Variants in DIXDC1 observed in about 807,000 individuals in gnomAD.
The protein encoded by DIXDC1 is dixin.
In DIXDC1, 64 loss-of-function variants were observed where a neutral mutation model predicts 103.1. That is an observed-to-expected ratio of 0.62 (90% CI 0.51 to 0.76). DIXDC1 has a LOEUF of 0.76. DIXDC1 is among the 30% of genes least tolerant of loss of function. DIXDC1 has a pLI of 0.00. For synonymous variants in DIXDC1, 266 were observed against 298.5 expected (o/e 0.89, Z 1.12); for missense variants, 759 against 834.2 (o/e 0.91, Z 1.11).
At chr11:111,930,341 G>A (rs587653550) in intron 2 of DIXDC1, among the ~76,000 whole-genome samples, 170 of 151,996 alleles carry the variant, frequency 1.1e-3, no homozygotes, top group African/African-American at 3.9e-3. Context: ...TATATAGTGA[G>A]CAATCTCAGC....
chr11:111,967,035 C>T (rs903033041), intron 2 of DIXDC1, among the ~76,000 whole-genome samples: 2 of 152,020 alleles, frequency 1.3e-5, no homozygotes, highest in Non-Finnish European at 2.9e-5. Flanking sequence ...TTCTAGTTTT[C>T]TTCCTTCCTC....
rs1404059797 is a variant in DIXDC1, at chr11:112,021,952, C to T, written c.*2916C>T. On this transcript the variant is annotated 3_prime_UTR_variant, in exon 20 of 20. Coordinates refer to ENST00000440460, the MANE Select transcript of DIXDC1 (RefSeq NM_001037954.4). ...GCTGATCATGCCACTGCACTCTAGC[C>T]TAGGCTACAGAGCAGGACCCCATCT... 1 of 144,828 alleles carries T rather than the reference C, an allele frequency of 6.9e-6. No individual in the cohort carries two copies. Among genetic ancestry groups the T allele is most frequent in the Non-Finnish European group, 1.5e-5 (1 of 67,258 alleles). The allele number at this position is 144,828 out of a possible 1,614,324, so 9.0% of individuals were successfully genotyped here.
chr11:112,003,307 A>G (rs1431167950), intron 17 of DIXDC1, among the ~76,000 whole-genome samples: 1 of 151,894 alleles, frequency 6.6e-6, no homozygotes, highest in Admixed American at 6.6e-5. Flanking sequence ...AAATACAAAA[A>G]TTAGCGGGCG....
intron 6 of DIXDC1, among the ~76,000 whole-genome samples, chr11:111,981,812 AAGT>A (rs1555173260): frequency 1.3e-5 from 2 of 152,228 alleles, no homozygotes; most frequent in African/African-American, 4.8e-5. Context: ...AGGAAAATAA[AAGT>A]GATATTAAAC....
chr11:112,019,259 C>A lies in DIXDC1; in HGVS notation c.*223C>A. The stretch of plus-strand genomic sequence containing the variant: ...TAGACCATGGGTTCATCTGGAGTTC[C>A]TTGTCCGTGGGAACACAGTGTTCTA... On this transcript the variant is annotated 3_prime_UTR_variant, in exon 20 of 20. Coordinates refer to ENST00000440460, the MANE Select transcript of DIXDC1 (RefSeq NM_001037954.4). The A allele has an allele frequency of 2.4e-6, 1 of 410,158 alleles. No individual in the cohort carries two copies. The highest frequency in any genetic ancestry group is 4.1e-5 in the South Asian group (1 of 24,124). 25.4% of individuals were successfully genotyped at this position (410,158 alleles called of 1,614,324 possible). A position where few individuals can be genotyped will look rare whatever the true frequency, so the allele number is the denominator to read the frequency against.
At chr11:111,960,966 G>T (rs60052476) in intron 1 of DIXDC1, among the ~76,000 whole-genome samples, 1 of 152,136 alleles carries the variant, frequency 6.6e-6, no homozygotes, top group Non-Finnish European at 1.5e-5. Flanking sequence ...TTAGGATGAC[G>T]TCTGCTTATG....
intron 5 of DIXDC1, 82 bp from the exon 6 acceptor site, chr11:111,980,655 G>T: frequency 3.5e-6 from 4 of 1,146,396 alleles, no homozygotes; most frequent in Non-Finnish European, 2.5e-6. Flanking sequence ...ACATGTCCCT[G>T]TTCTCAGGAA....
intron 1 of DIXDC1, among the ~76,000 whole-genome samples, chr11:111,963,646 T>G (rs1400897797): frequency 2.6e-5 from 4 of 152,206 alleles, no homozygotes; most frequent in Non-Finnish European, 5.9e-5. Context: ...TGACATTGTT[T>G]GTGTGATATT....
At position 112,018,982 on chromosome 11, in the gene DIXDC1, T is replaced by C. The variant is rs782370526; in HGVS notation, c.1998T>C (p.Pro666=). The C allele has an allele frequency of 5.0e-6, 8 of 1,612,872 alleles. No individual in the cohort carries two copies. The East Asian group carries it at 8.9e-5, about 18-fold the overall frequency. Residue 666 remains proline, a synonymous_variant, in exon 20 of 20, where the codon CCT becomes CCC. Transcript: ENST00000440460. ...EEIFHDDDAI[P]GWEGKIVAWV... is the part of the protein sequence containing the mutation. ...TTTTCCATGATGATGATGCCATCCC[T>C]GGATGGGAAGGGAAAATTGTAGCTT... is the stretch of plus-strand genomic sequence containing the variant.
chr11:111,982,818 C>A (rs1461187566), intron 7 of DIXDC1, among the ~76,000 whole-genome samples: 2 of 152,154 alleles, frequency 1.3e-5, no homozygotes, highest in African/African-American at 4.8e-5. Flanking sequence ...GCAGCTTTCA[C>A]CAAAGAATGG....
chr11:112,001,539 C>G (rs797026327), intron 17 of DIXDC1, among the ~76,000 whole-genome samples: 23 of 152,148 alleles, frequency 1.5e-4, no homozygotes, highest in African/African-American at 5.3e-4. Flanking sequence ...CCAGAAAGAG[C>G]CTTGCTTCTA....
upstream of DIXDC1, among the ~76,000 whole-genome samples, chr11:111,934,184 A>G (rs1370876350): frequency 6.6e-6 from 1 of 152,200 alleles, no homozygotes; most frequent in African/African-American, 2.4e-5. Context: ...CTTTATATGT[A>G]AAAATCCTAC....
chr11:112,004,521 A>G (rs1861174481), intron 17 of DIXDC1, among the ~76,000 whole-genome samples: 1 of 152,130 alleles, frequency 6.6e-6, no homozygotes, highest in East Asian at 1.9e-4. Flanking sequence ...CCACTGGGGG[A>G]GGGACAGGAT....
At chr11:111,928,949 AG>A (rs1358923743) in intron 1 of DIXDC1, among the ~76,000 whole-genome samples, 3 of 151,986 alleles carry the variant, frequency 2.0e-5, no homozygotes, top group African/African-American at 7.2e-5. Flanking sequence ...CCTAGCACTT[AG>A]GAGGCCACCC....
At position 112,017,961 on chromosome 11, in the gene DIXDC1, T is replaced by A. The variant is rs189475903; in HGVS notation, c.1971+76T>A. 17 of 1,182,424 alleles carry A rather than the reference T, an allele frequency of 1.4e-5. No homozygotes were observed. In the East Asian group the frequency reaches 4.3e-4, roughly 30 times the overall value. 73.2% of individuals were successfully genotyped at this position (1,182,424 alleles called of 1,614,324 possible). On this transcript the variant is annotated intron_variant, in intron 19 of 19. Coordinates refer to ENST00000440460, the MANE Select transcript of DIXDC1 (RefSeq NM_001037954.4). The surrounding 1 kb of genome is among the most constrained non-coding windows in gnomAD (Gnocchi z 4.0). ...CTGAAGCCTCCTGTTCAAGCACTAG[T>A]GTCCAGAAGTACATGAGTTCCCTGA...
intron 1 of DIXDC1, among the ~76,000 whole-genome samples, chr11:111,950,763 G>A (rs1039255752): frequency 6.6e-6 from 1 of 151,996 alleles, no homozygotes; most frequent in South Asian, 2.1e-4. Context: ...ACCAGTAGGT[G>A]TATATATTTA....
chr11:111,930,663 C>A (rs1184989442), intron 2 of DIXDC1, among the ~76,000 whole-genome samples: 1 of 152,052 alleles, frequency 6.6e-6, no homozygotes, highest in Non-Finnish European at 1.5e-5. Flanking sequence ...GGTTCGCTCA[C>A]CCCTGCCCCC....
intron 17 of DIXDC1, among the ~76,000 whole-genome samples, chr11:112,007,470 C>T (rs1861272159): frequency 6.8e-6 from 1 of 147,146 alleles, no homozygotes; most frequent in African/African-American, 2.4e-5. Context: ...CACAAAGATA[C>T]TCCTCAAGAA....
chr11:112,000,367 A>T (rs1861028729), intron 17 of DIXDC1, among the ~76,000 whole-genome samples: 1 of 152,130 alleles, frequency 6.6e-6, no homozygotes, highest in Admixed American at 6.5e-5. Context: ...AAGAGAAAAT[A>T]GGCAAAATAC....
Sources: gnomAD v4.1 joint callset for allele counts (sites outside exome capture counted in the v4.1 genomes callset) on GRCh38, gnomAD v4.1.1 for gene constraint, Gnocchi (gnomAD v3.1) non-coding constraint, MANE v1.5 for transcripts, NCBI Gene and HGNC (gene_info 2026-07-23, HGNC 2026-07-21) for gene names.